ASB3: variants seen among roughly 807,000 people sequenced by gnomAD.
ASB3 encodes the protein ankyrin repeat and SOCS box containing 3.
A neutral mutation model predicts 54.5 loss-of-function variants in ASB3; 41 were observed. That is an observed-to-expected ratio of 0.75 (90% CI 0.59 to 0.98). The LOEUF (loss-of-function observed/expected upper bound fraction) is 0.98, where lower values mean the gene tolerates loss of function less well. ASB3 is among the 50% of genes least tolerant of loss of function. The pLI, the probability that ASB3 is intolerant of heterozygous loss-of-function variation, is 0.00. For missense variants in ASB3, 733 were observed against 620.0 expected (o/e 1.18, Z -1.94); for synonymous variants, 266 against 221.2 (o/e 1.20, Z -1.80).
At position 53,744,391 on chromosome 2, in the gene ASB3, AT is replaced by A. The variant is rs755789910; in HGVS notation, c.355+6391del. On this transcript the variant is annotated intron_variant, in intron 3 of 9. Coordinates refer to ENST00000263634, the MANE Select transcript of ASB3 (RefSeq NM_016115.5). ...CAGAGCGAGACTCTGTCTCAAAAAA[AT>A]AAATAAAAAAATTAAAAAAAATAAA... Among the ~76,000 whole-genome samples the A allele has an allele frequency of 5.6e-3, 857 of 151,844 alleles. 18 individuals are homozygous for A. Among genetic ancestry groups the A allele is most frequent in the Non-Finnish European group, 9.3e-3 (634 of 67,944 alleles).
At chr2:53,677,255 TATA>T (rs1332602500) in intron 9 of ASB3, among the ~76,000 whole-genome samples, 1 of 152,204 alleles carries the variant, frequency 6.6e-6, no homozygotes, top group Admixed American at 6.5e-5. Context: ...AAGAATACTT[TATA>T]ATATTTGCAC....
chr2:53,770,118 C>T (rs1673791618), intron 1 of ASB3, among the ~76,000 whole-genome samples: 1 of 152,008 alleles, frequency 6.6e-6, no homozygotes, highest in African/African-American at 2.4e-5. Context: ...TATATATATC[C>T]TCATTGTAGC....
chr2:53,674,874 C>T (rs7584474), intron 9 of ASB3, among the ~76,000 whole-genome samples: 83,049 of 151,844 alleles, frequency 0.55, 23,431 homozygotes, highest in African/African-American at 0.68. Flanking sequence ...CTCTGAAAAA[C>T]AAGTAATAGA....
chr2:53,675,812 C>T (rs1350436865), intron 9 of ASB3, among the ~76,000 whole-genome samples: 2 of 152,078 alleles, frequency 1.3e-5, no homozygotes, highest in Non-Finnish European at 2.9e-5. Context: ...AAGAAAATAA[C>T]GTAACAATAA....
intron 2 of ASB3, among the ~76,000 whole-genome samples, chr2:53,764,418 G>A (rs1476850174): frequency 6.6e-6 from 1 of 152,160 alleles, no homozygotes; most frequent in African/African-American, 2.4e-5. Context: ...CAACTTCTCT[G>A]AGCCTTGGTC....
chr2:53,781,527 C>G (rs946493621), intron 1 of ASB3, among the ~76,000 whole-genome samples: 6 of 151,832 alleles, frequency 4.0e-5, no homozygotes, highest in Admixed American at 6.6e-5. Flanking sequence ...CAGAGTTTCA[C>G]TCTTGTTGCC....
At chr2:53,680,132 T>C (rs1215999876) in intron 9 of ASB3, among the ~76,000 whole-genome samples, 2 of 152,248 alleles carry the variant, frequency 1.3e-5, no homozygotes, top group African/African-American at 4.8e-5. Context: ...ATTTTCTTTA[T>C]GCACTCTACC....
chr2:53,697,131 C>T (rs1489522294), intron 8 of ASB3, among the ~76,000 whole-genome samples: 1 of 152,196 alleles, frequency 6.6e-6, no homozygotes, highest in Non-Finnish European at 1.5e-5. Context: ...TCTGGTCATC[C>T]TCATTGTTCA....
At chr2:53,769,019 T>A (rs1263376966) in intron 1 of ASB3, among the ~76,000 whole-genome samples, 1 of 152,254 alleles carries the variant, frequency 6.6e-6, no homozygotes, top group African/African-American at 2.4e-5. Context: ...CTAGAGTTGG[T>A]CAGTTAAGAA....
At chr2:53,697,011 G>T (rs1669219120) in intron 8 of ASB3, among the ~76,000 whole-genome samples, 1 of 152,200 alleles carries the variant, frequency 6.6e-6, no homozygotes, top group Non-Finnish European at 1.5e-5. Context: ...CACAGGATGA[G>T]ACAGGAGGTC....
At chr2:53,724,388 G>C (rs1050221514) in intron 5 of ASB3, among the ~76,000 whole-genome samples, 1 of 152,150 alleles carries the variant, frequency 6.6e-6, no homozygotes, top group Non-Finnish European at 1.5e-5. Context: ...CACGAGGTGA[G>C]GAGATCAAGA....
At chr2:53,780,661 C>T (rs1037323281) in intron 1 of ASB3, among the ~76,000 whole-genome samples, 2 of 152,092 alleles carry the variant, frequency 1.3e-5, no homozygotes, top group Non-Finnish European at 2.9e-5. Context: ...GTCTGCAGTC[C>T]TAGCCACTCT....
intron 7 of ASB3, among the ~76,000 whole-genome samples, chr2:53,703,281 C>T (rs1048993064): frequency 6.6e-6 from 1 of 152,144 alleles, no homozygotes; most frequent in African/African-American, 2.4e-5. Context: ...AACTTTTTAG[C>T]TCCAAAGGAC....
At position 53,728,755 on chromosome 2, in the gene ASB3, A is replaced by C. The variant is rs536519389; in HGVS notation, c.561T>G (p.Ala187=). 2 of 1,612,286 alleles carry C rather than the reference A, an allele frequency of 1.2e-6. No homozygotes were observed. The highest frequency in any genetic ancestry group is 1.7e-6 in the Non-Finnish European group (2 of 1,179,088). The part of the protein sequence containing the change: ...DFGITPLFVA[A]QYGKLESLSI... ...TCAAGCTTTCTAGCTTGCCATACTG[A>C]GCAGCCACAAATAAAGGTGTGATTC... The change falls in exon 5 of 10, where the codon GCT becomes GCG. Residue 187 remains alanine, a synonymous_variant. Transcript: ENST00000263634.
At chr2:53,754,325 C>G (rs1020362331) in intron 2 of ASB3, among the ~76,000 whole-genome samples, 1 of 152,094 alleles carries the variant, frequency 6.6e-6, no homozygotes, top group African/African-American at 2.4e-5. Context: ...ACTACTCCAT[C>G]AAGGAAGTAG....
intron 7 of ASB3, among the ~76,000 whole-genome samples, chr2:53,711,434 G>C (rs1204696153): frequency 6.6e-6 from 1 of 152,094 alleles, no homozygotes; most frequent in African/African-American, 2.4e-5. Context: ...TTAGCTGCTG[G>C]TGCCACTGGT....
At chr2:53,725,114 G>T (rs1670921596) in intron 5 of ASB3, among the ~76,000 whole-genome samples, 1 of 152,138 alleles carries the variant, frequency 6.6e-6, no homozygotes, top group African/African-American at 2.4e-5. Flanking sequence ...CCATAGAAAA[G>T]AATAAAATCA....
chr2:53,780,749 G>A (rs1255585309), intron 1 of ASB3, among the ~76,000 whole-genome samples: 1 of 152,138 alleles, frequency 6.6e-6, no homozygotes, highest in Non-Finnish European at 1.5e-5. Flanking sequence ...CTACACTTCA[G>A]CCTGAACAAC....
At chr2:53,782,712 C>A (rs1297504430) in intron 1 of ASB3, among the ~76,000 whole-genome samples, 1 of 152,124 alleles carries the variant, frequency 6.6e-6, no homozygotes, top group African/African-American at 2.4e-5. Flanking sequence ...AGAGGCAACT[C>A]GTTTCTTGCA....
Sources: gnomAD v4.1 joint callset for allele counts (sites outside exome capture counted in the v4.1 genomes callset) on GRCh38, gnomAD v4.1.1 for gene constraint, MANE v1.5 for transcripts, NCBI Gene and HGNC (gene_info 2026-07-23, HGNC 2026-07-21) for gene names.